Variants in GOLM1 observed in about 807,000 individuals in gnomAD.
GOLM1 encodes the protein epididymis luminal protein 46.
GOLM1 carries 31 observed loss-of-function variants against 50.5 expected under a neutral mutation model. That is an observed-to-expected ratio of 0.61 (90% CI 0.46 to 0.83). The LOEUF (loss-of-function observed/expected upper bound fraction) is 0.83. GOLM1 is among the 40% of genes least tolerant of loss of function. The pLI is 0.00. For synonymous variants in GOLM1, 178 were observed against 192.8 expected (o/e 0.92, Z 0.64); for missense variants, 491 against 501.3 (o/e 0.98, Z 0.20).
intron 1 of GOLM1, among the ~76,000 whole-genome samples, chr9:86,090,808 A>AAAC (rs1835158325): frequency 3.3e-5 from 5 of 151,248 alleles, no homozygotes. Flanking sequence ...AAAAAAAAAA[A>AAAC]AAAAAACTCC....
intron 6 of GOLM1, chr9:86,036,742 G>A (rs972362345): frequency 3.8e-6 from 2 of 527,572 alleles, no homozygotes; most frequent in Admixed American, 3.6e-5. Flanking sequence ...ATAAAACTGG[G>A]CAGTGATTCT....
intron 3 of GOLM1, among the ~76,000 whole-genome samples, chr9:86,069,659 G>A (rs1054525296): frequency 3.3e-5 from 5 of 152,156 alleles, no homozygotes; most frequent in African/African-American, 7.2e-5. Context: ...GTGTGGGGTC[G>A]TTAAAATGGA....
chr9:86,048,049 G>A (rs969980707), intron 4 of GOLM1, among the ~76,000 whole-genome samples: 13 of 99,660 alleles, frequency 1.3e-4, no homozygotes, highest in African/African-American at 3.4e-4. Flanking sequence ...CCCACGACAC[G>A]CCCCAGATGT....
intron 3 of GOLM1, among the ~76,000 whole-genome samples, chr9:86,072,108 CAT>C (rs1163386768): frequency 6.6e-6 from 1 of 152,064 alleles, no homozygotes; most frequent in African/African-American, 2.4e-5. Context: ...AAAAAATATA[CAT>C]GTTGTTTTTG....
intron 9 of GOLM1, among the ~76,000 whole-genome samples, chr9:86,031,274 TACA>T (rs911620380): frequency 6.6e-6 from 1 of 152,006 alleles, no homozygotes; most frequent in African/African-American, 2.4e-5. Context: ...AAGTAGTTGT[TACA>T]ACGACTCCTG....
At chr9:86,051,877 G>A (rs1449425586) in intron 4 of GOLM1, among the ~76,000 whole-genome samples, 1 of 152,044 alleles carries the variant, frequency 6.6e-6, no homozygotes, top group Non-Finnish European at 1.5e-5. Context: ...ACTAGAATTC[G>A]AAACCAGCAA....
intron 2 of GOLM1, among the ~76,000 whole-genome samples, chr9:86,078,798 C>T (rs1472919574): frequency 1.3e-5 from 2 of 152,176 alleles, no homozygotes; most frequent in Non-Finnish European, 2.9e-5. Flanking sequence ...ATTTCTTACA[C>T]CCATCATCCA....
At chr9:86,089,161 C>T (rs1835093478) in intron 1 of GOLM1, among the ~76,000 whole-genome samples, 1 of 152,124 alleles carries the variant, frequency 6.6e-6, no homozygotes, top group Non-Finnish European at 1.5e-5. Flanking sequence ...TTGTGGGTAA[C>T]CTGACTTTTT....
At chr9:86,064,398 C>T (rs562132291) in intron 3 of GOLM1, among the ~76,000 whole-genome samples, 6 of 152,316 alleles carry the variant, frequency 3.9e-5, no homozygotes, top group South Asian at 2.1e-4. Context: ...CCATCTGTCA[C>T]GGGGCCTGTT....
At position 86,027,929 on chromosome 9, in the gene GOLM1, T is replaced by C. The variant is rs753558564; in HGVS notation, c.1130-36A>G. On this transcript the variant is annotated intron_variant, in intron 9 of 9. Coordinates refer to ENST00000388712, the MANE Select transcript of GOLM1 (RefSeq NM_016548.4). ...AAAACACATAATATTCTATAGAGTA[T>C]TAAATGAGATACTAGCCCTAGGCAG... 4.7e-6 allele frequency: 6 copies of C among 1,263,892 alleles called. No individual in the cohort carries two copies. In the Middle Eastern group the frequency reaches 7.9e-4, roughly 167 times the overall value. The allele number at this position is 1,263,892 out of a possible 1,614,324, so 78.3% of individuals were successfully genotyped here.
At chr9:86,035,113 ATCCACTTGCAAGGT>A (rs1024900498) in intron 8 of GOLM1, 14 of 985,198 alleles carry the variant, frequency 1.4e-5, no homozygotes, top group Middle Eastern at 5.2e-4. Flanking sequence ...TCTGCAGGCC[ATCCACTTGCAAGGT>A]CCCCTCGACT....
intron 1 of GOLM1, among the ~76,000 whole-genome samples, chr9:86,088,739 T>C (rs1835075846): frequency 6.6e-6 from 1 of 152,062 alleles, no homozygotes; most frequent in African/African-American, 2.4e-5. Flanking sequence ...TGTCTTTTAA[T>C]TGGGGCATTT....
chr9:86,052,237 A>G (rs994097708), intron 4 of GOLM1, among the ~76,000 whole-genome samples: 3 of 152,242 alleles, frequency 2.0e-5, no homozygotes, highest in Non-Finnish European at 4.4e-5. Context: ...CATGTATACC[A>G]TATGTATATA....
At chr9:86,096,295 T>C (rs1563971527) in intron 1 of GOLM1, among the ~76,000 whole-genome samples, 1 of 152,182 alleles carries the variant, frequency 6.6e-6, no homozygotes, top group Non-Finnish European at 1.5e-5. Flanking sequence ...CCATGCCCAT[T>C]CATTTACATA....
intron 1 of GOLM1, chr9:86,085,060 A>G (rs565756029): frequency 7.7e-6 from 1 of 130,448 alleles, no homozygotes; most frequent in Non-Finnish European, 1.6e-5. Flanking sequence ...GAAACAAACA[A>G]AAAGACAGTT....
At chr9:86,037,438 C>CAAA (rs112398885) in intron 6 of GOLM1, among the ~76,000 whole-genome samples, 689 of 59,122 alleles carry the variant, frequency 0.012, 10 homozygotes, top group African/African-American at 0.029. Flanking sequence ...GACTGTCTCT[C>CAAA]AAAAAAAAAA....
chr9:86,034,854 T>C (rs1480308597), intron 8 of GOLM1, among the ~76,000 whole-genome samples: 2 of 151,560 alleles, frequency 1.3e-5, no homozygotes, highest in East Asian at 1.9e-4. Flanking sequence ...CTCCAATTCC[T>C]ACCCTTTATT....
chr9:86,091,793 A>C (rs1835193481), intron 1 of GOLM1, among the ~76,000 whole-genome samples: 1 of 152,216 alleles, frequency 6.6e-6, no homozygotes, highest in African/African-American at 2.4e-5. Flanking sequence ...GTATATTATA[A>C]ATTTGAAAGC....
intron 3 of GOLM1, among the ~76,000 whole-genome samples, chr9:86,064,056 G>C (rs1834238498): frequency 6.6e-6 from 1 of 152,196 alleles, no homozygotes; most frequent in South Asian, 2.1e-4. Flanking sequence ...GACATCCCAT[G>C]ACAGGCTCAG....
Sources: allele counts gnomAD v4.1 joint callset (sites outside exome capture counted in the v4.1 genomes callset), GRCh38; gene constraint gnomAD v4.1.1; transcripts MANE v1.5; gene names NCBI Gene and HGNC (gene_info 2026-07-23, HGNC 2026-07-21).